AGBL1: variants seen among roughly 807,000 people sequenced by gnomAD.
The protein encoded by AGBL1 is AGBL carboxypeptidase 1.
In AGBL1, 130 loss-of-function variants were observed where a neutral mutation model predicts 118.9. The ratio of observed to expected loss-of-function variants is 1.09; its 90% CI spans 0.95 to 1.26. The LOEUF (loss-of-function observed/expected upper bound fraction) is 1.26. Ranked by LOEUF, AGBL1 falls within the 50% of genes most tolerant of loss-of-function variation. The probability of loss-of-function intolerance (pLI) is 0.00; values close to 1 mark genes in which losing one functional copy is unlikely to be tolerated. For missense variants in AGBL1, 1,584 were observed against 1,298.1 expected, an observed-to-expected ratio of 1.22 and a Z score of -3.38; for synonymous variants, 555 against 478.9, an observed-to-expected ratio of 1.16 and a Z score of -2.08.
chr15:86,636,752 T>TAC (rs2085100210), intron 21 of AGBL1, among the ~76,000 whole-genome samples: 4 of 60,394 alleles, frequency 6.6e-5, no homozygotes, highest in Admixed American at 1.6e-4. Context: ...TATATATATA[T>TAC]ATATATACAC....
At chr15:86,211,140 C>T (rs1307976237) in intron 5 of AGBL1, among the ~76,000 whole-genome samples, 1 of 152,204 alleles carries the variant, frequency 6.6e-6, no homozygotes, top group Non-Finnish European at 1.5e-5. Context: ...TGGGTATCAC[C>T]AGCGGAGGCT....
chr15:86,676,640 T>C (rs2085853552), intron 22 of AGBL1, among the ~76,000 whole-genome samples: 1 of 152,210 alleles, frequency 6.6e-6, no homozygotes, highest in African/African-American at 2.4e-5. Context: ...CACAAATCTA[T>C]GTATGTTTTA....
chr15:86,912,004 T>C lies in AGBL1; in HGVS notation c.*4710T>C, dbSNP rs2080358402. 1 of 152,174 alleles carries C rather than the reference T, an allele frequency of 6.6e-6. No individual in the cohort carries two copies. The highest frequency in any genetic ancestry group is 1.5e-5 in the Non-Finnish European group (1 of 68,034). The allele number at this position is 152,174 out of a possible 1,614,324, so 9.4% of individuals were successfully genotyped here. A position where few individuals can be genotyped will look rare whatever the true frequency, so the allele number is the denominator to read the frequency against. Reference sequence around the variant, plus strand: ...CTGTCCCTATACCTATCATACTTCTTAACACATTGCAGGTGTTCAAAAATG... The same window carrying C: ...CTGTCCCTATACCTATCATACTTCTCAACACATTGCAGGTGTTCAAAAATG... On this transcript the variant is annotated 3_prime_UTR_variant, in exon 23 of 23. Coordinates refer to ENST00000614907, the MANE Select transcript of AGBL1 (RefSeq NM_001386094.1).
chr15:86,761,019 CA>C (rs1441629423), intron 22 of AGBL1, among the ~76,000 whole-genome samples: 6 of 152,054 alleles, frequency 3.9e-5, no homozygotes, highest in African/African-American at 1.4e-4. Flanking sequence ...TAGAGGGAAA[CA>C]GTATTCTAGC....
At chr15:86,986,360 A>G (rs1307813281) in intron 23 of AGBL1, among the ~76,000 whole-genome samples, 2 of 152,214 alleles carry the variant, frequency 1.3e-5, no homozygotes, top group Non-Finnish European at 2.9e-5. Context: ...TGTTACAACT[A>G]TATACATATA....
chr15:86,152,820 A>G (rs1336585789), intron 3 of AGBL1, among the ~76,000 whole-genome samples: 5 of 152,188 alleles, frequency 3.3e-5, no homozygotes, highest in South Asian at 4.1e-4. Flanking sequence ...TTTACAAGAG[A>G]AAAACAACCC....
At chr15:86,594,289 C>T (rs982180968) in intron 21 of AGBL1, among the ~76,000 whole-genome samples, 3 of 152,134 alleles carry the variant, frequency 2.0e-5, no homozygotes, top group Middle Eastern at 3.4e-3. Context: ...TCATATGTTG[C>T]TAGAGTCATT....
intron 22 of AGBL1, among the ~76,000 whole-genome samples, chr15:86,875,108 T>C (rs1167920283): frequency 6.6e-6 from 1 of 152,192 alleles, no homozygotes; most frequent in Non-Finnish European, 1.5e-5. Context: ...TTTTCTTAGA[T>C]GCTTTGTTCA....
At chr15:87,015,491 A>T (rs1044825226) in intron 24 of AGBL1, among the ~76,000 whole-genome samples, 17 of 148,474 alleles carry the variant, frequency 1.1e-4, no homozygotes, top group Admixed American at 9.3e-4. Context: ...TATGGAAGTC[A>T]AACCAGTTCA....
At chr15:86,621,114 A>G (rs149742784) in intron 21 of AGBL1, among the ~76,000 whole-genome samples, 1 of 152,298 alleles carries the variant, frequency 6.6e-6, no homozygotes, top group East Asian at 1.9e-4. Flanking sequence ...AATATAAGTG[A>G]TACTATGACC....
At chr15:86,744,663 C>G (rs1450092307) in intron 22 of AGBL1, among the ~76,000 whole-genome samples, 2 of 152,076 alleles carry the variant, frequency 1.3e-5, no homozygotes, top group Admixed American at 6.6e-5. Flanking sequence ...AATAGATCAG[C>G]TCTCCCTTCC....
At chr15:86,515,550 AC>A (rs1400916651) in intron 18 of AGBL1, among the ~76,000 whole-genome samples, 1 of 152,148 alleles carries the variant, frequency 6.6e-6, no homozygotes, top group African/African-American at 2.4e-5. Flanking sequence ...TCCTATTCTA[AC>A]AATTTTTTGT....
At chr15:86,160,105 T>TC (rs1161427660) in intron 5 of AGBL1, among the ~76,000 whole-genome samples, 11 of 150,850 alleles carry the variant, frequency 7.3e-5, no homozygotes, top group Admixed American at 5.9e-4. Context: ...TGTGGTTTTT[T>TC]TTTTTTTTTT....
chr15:86,944,422 G>C (rs1008709210), intron 23 of AGBL1, among the ~76,000 whole-genome samples: 2 of 152,056 alleles, frequency 1.3e-5, no homozygotes, highest in Non-Finnish European at 2.9e-5. Context: ...TTTCAGGATG[G>C]CCGACCAGCA....
At chr15:86,462,450 A>G (rs1311674781) in intron 18 of AGBL1, among the ~76,000 whole-genome samples, 4 of 151,884 alleles carry the variant, frequency 2.6e-5, no homozygotes, top group African/African-American at 9.7e-5. Flanking sequence ...AAAAAACACA[A>G]AAAACTTTTA....
intron 21 of AGBL1, among the ~76,000 whole-genome samples, chr15:86,622,154 G>A (rs905791286): frequency 4.0e-5 from 6 of 151,854 alleles, no homozygotes; most frequent in East Asian, 1.9e-4. Flanking sequence ...ATGGTGAAAC[G>A]TTGTCTCTAC....
chr15:86,659,599 A>G (rs749804520), intron 21 of AGBL1, among the ~76,000 whole-genome samples: 3 of 152,096 alleles, frequency 2.0e-5, no homozygotes, highest in Non-Finnish European at 2.9e-5. Context: ...TTGACAATAC[A>G]TCCCAGTTCT....
chr15:86,387,359 A>C (rs2141973769), intron 17 of AGBL1, among the ~76,000 whole-genome samples: 1 of 152,292 alleles, frequency 6.6e-6, no homozygotes, highest in Non-Finnish European at 1.5e-5. Context: ...GGAGTGGGGT[A>C]CACTTTCAAT....
At chr15:86,609,794 A>G (rs2084632567) in intron 21 of AGBL1, among the ~76,000 whole-genome samples, 1 of 152,216 alleles carries the variant, frequency 6.6e-6, no homozygotes, top group Admixed American at 6.5e-5. Flanking sequence ...GGAAAAACAA[A>G]GCAAAGCAAA....
Sources: gnomAD v4.1 joint callset for allele counts (sites outside exome capture counted in the v4.1 genomes callset) on GRCh38, gnomAD v4.1.1 for gene constraint, MANE v1.5 for transcripts, NCBI Gene and HGNC (gene_info 2026-07-23, HGNC 2026-07-21) for gene names.